PARD3B: variants seen among roughly 807,000 people sequenced by gnomAD.
PARD3B encodes par-3 family cell polarity regulator beta.
PARD3B carries 103 observed loss-of-function variants against 130.2 expected under a neutral mutation model. The observed-to-expected ratio is 0.79, with a 90% confidence interval of 0.67 to 0.93. PARD3B has a LOEUF of 0.93. Among genes scored for constraint, PARD3B ranks in the 40% least tolerant of loss-of-function variants. The pLI, the probability that PARD3B is intolerant of heterozygous loss-of-function variation, is 0.00. For synonymous variants in PARD3B, 583 were observed against 553.2 expected, an observed-to-expected ratio of 1.05 and a Z score of -0.76; for missense variants, 1,609 against 1,499.2, an observed-to-expected ratio of 1.07 and a Z score of -1.21.
chr2:204,672,809 G>C (rs2036369622), intron 1 of PARD3B, among the ~76,000 whole-genome samples: 1 of 152,276 alleles, frequency 6.6e-6, no homozygotes, highest in Non-Finnish European at 1.5e-5. Flanking sequence ...CTGCTCATTA[G>C]CTTCTAGTTT....
At chr2:205,092,650 G>A (rs532330074) in intron 4 of PARD3B, among the ~76,000 whole-genome samples, 1 of 152,228 alleles carries the variant, frequency 6.6e-6, no homozygotes, top group African/African-American at 2.4e-5. Context: ...GCTGGAAGAG[G>A]AGAGGAATAT....
intron 2 of PARD3B, among the ~76,000 whole-genome samples, chr2:204,762,116 ATTTT>A (rs968166780): frequency 2.2e-4 from 21 of 95,378 alleles, no homozygotes; most frequent in South Asian, 1.0e-3. Context: ...TTCTTTTTCT[ATTTT>A]TTTTTTTTTT....
At chr2:205,554,535 G>C (rs2052794297) in intron 22 of PARD3B, among the ~76,000 whole-genome samples, 1 of 151,960 alleles carries the variant, frequency 6.6e-6, no homozygotes, top group East Asian at 1.9e-4. Context: ...TTATCTTCCT[G>C]TTTTCTTTTC....
chr2:205,480,885 G>A (rs560313754), intron 20 of PARD3B, among the ~76,000 whole-genome samples: 1 of 152,312 alleles, frequency 6.6e-6, no homozygotes, highest in East Asian at 1.9e-4. Flanking sequence ...TGCCAGAGGA[G>A]GCACCTCTGA....
intron 2 of PARD3B, among the ~76,000 whole-genome samples, chr2:204,706,464 G>A (rs1312303997): frequency 6.6e-6 from 1 of 152,118 alleles, no homozygotes; most frequent in Non-Finnish European, 1.5e-5. Context: ...AAGTCAAAAT[G>A]CCAGTGACAA....
intron 2 of PARD3B, among the ~76,000 whole-genome samples, chr2:204,911,108 T>C (rs556758789): frequency 6.6e-6 from 1 of 152,332 alleles, no homozygotes; most frequent in East Asian, 1.9e-4. Context: ...TCCTCATGTG[T>C]CTGTGAACTT....
chr2:204,773,783 C>G (rs1408821749), intron 2 of PARD3B, among the ~76,000 whole-genome samples: 3 of 152,048 alleles, frequency 2.0e-5, no homozygotes, highest in Admixed American at 1.3e-4. Flanking sequence ...TCCTTTCACC[C>G]TGACTTCCTC....
intron 18 of PARD3B, among the ~76,000 whole-genome samples, chr2:205,353,100 G>A (rs2105850942): frequency 6.6e-6 from 1 of 152,262 alleles, no homozygotes; most frequent in Admixed American, 6.5e-5. Flanking sequence ...ACTCGTTACT[G>A]TGTCCAGCCT....
chr2:205,412,125 C>G (rs2046620004), intron 19 of PARD3B, among the ~76,000 whole-genome samples: 1 of 152,154 alleles, frequency 6.6e-6, no homozygotes, highest in South Asian at 2.1e-4. Flanking sequence ...TCTTTCCCAG[C>G]TACCTGCCTT....
chr2:204,841,342 G>C (rs2044254093), intron 2 of PARD3B, among the ~76,000 whole-genome samples: 1 of 152,068 alleles, frequency 6.6e-6, no homozygotes, highest in African/African-American at 2.4e-5. Flanking sequence ...CAAAGCTAAA[G>C]CAAAACTACC....
At chr2:204,958,725 A>T (rs1488880148) in intron 2 of PARD3B, among the ~76,000 whole-genome samples, 1 of 152,104 alleles carries the variant, frequency 6.6e-6, no homozygotes, top group Non-Finnish European at 1.5e-5. Flanking sequence ...CATGTTAGGG[A>T]TATTATCAAG....
intron 18 of PARD3B, among the ~76,000 whole-genome samples, chr2:205,388,262 G>A (rs114127509): frequency 0.023 from 3,524 of 152,246 alleles, 50 homozygotes; most frequent in South Asian, 0.033. Flanking sequence ...TTTGAACTGT[G>A]GAAGAGTATT....
chr2:204,558,026 A>G (rs922212934), intron 1 of PARD3B: 2 of 152,184 alleles, frequency 1.3e-5, no homozygotes, highest in African/African-American at 4.8e-5. Context: ...TTTGACAGGC[A>G]TGATATCTCT....
intron 2 of PARD3B, among the ~76,000 whole-genome samples, chr2:204,736,241 TAAAAC>T (rs1236899051): frequency 4.6e-5 from 7 of 152,154 alleles, no homozygotes; most frequent in East Asian, 1.9e-4. Flanking sequence ...ATGCATTAGT[TAAAAC>T]AAAGATGTAA....
rs557444133 is a variant in PARD3B at position 205,470,137 on chromosome 2, A to AT, written c.3044+29473dup. On this transcript the variant is annotated intron_variant, in intron 20 of 22. Transcript: ENST00000406610. The surrounding 1 kb of genome is among the most constrained non-coding windows in gnomAD (Gnocchi z 4.8). ...CAGGGTGGAACTAAGTGATCTCAGCATTTTTTTTCCAGTTCCAAAATTATA... is the reference window on the plus strand; with the variant it reads ...CAGGGTGGAACTAAGTGATCTCAGCATTTTTTTTTCCAGTTCCAAAATTATA... 3.4e-4 allele frequency among the ~76,000 whole-genome samples: 52 copies of AT among 152,088 alleles called. 1 individual carries two copies. Among genetic ancestry groups the AT allele is most frequent in the African/African-American group, 1.1e-3 (46 of 41,496 alleles).
chr2:204,815,299 T>C (rs1263499045), intron 2 of PARD3B, among the ~76,000 whole-genome samples: 1 of 151,992 alleles, frequency 6.6e-6, no homozygotes, highest in African/African-American at 2.4e-5. Flanking sequence ...ACCTAAGTTG[T>C]TGAATTTATT....
chr2:204,635,742 G>A (rs4673306), intron 1 of PARD3B, among the ~76,000 whole-genome samples: 103,323 of 152,022 alleles, frequency 0.68, 36,404 homozygotes, highest in Non-Finnish European at 0.78. Flanking sequence ...TTTCCTTGTC[G>A]TGTAAAATGG....
intron 2 of PARD3B, among the ~76,000 whole-genome samples, chr2:204,839,503 G>C (rs779360298): frequency 1.3e-5 from 2 of 152,016 alleles, no homozygotes; most frequent in African/African-American, 2.4e-5. Flanking sequence ...GCTTTGTGGC[G>C]ACTTCTTCAA....
chr2:205,418,671 T>C (rs542293677), intron 19 of PARD3B, among the ~76,000 whole-genome samples: 27 of 152,276 alleles, frequency 1.8e-4, no homozygotes, highest in Non-Finnish European at 3.1e-4. Flanking sequence ...CTTTAAAAAA[T>C]TTAAATTCTT....
Sources: gnomAD v4.1 joint callset for allele counts (sites outside exome capture counted in the v4.1 genomes callset) on GRCh38, gnomAD v4.1.1 for gene constraint, Gnocchi (gnomAD v3.1) non-coding constraint, MANE v1.5 for transcripts, NCBI Gene and HGNC (gene_info 2026-07-23, HGNC 2026-07-21) for gene names.